Variants in TAMM41 observed in about 807,000 individuals in gnomAD.
TAMM41 encodes the protein TAM41 mitochondrial translocator assembly and maintenance homolog.
TAMM41 carries 36 observed loss-of-function variants against 44.1 expected under a neutral mutation model. The ratio of observed to expected loss-of-function variants is 0.82; its 90% CI spans 0.63 to 1.08. TAMM41 has a LOEUF of 1.08. Ranked by LOEUF, TAMM41 falls within the 50% of genes least tolerant of loss-of-function variation. TAMM41 has a pLI of 0.00. For synonymous variants in TAMM41, 164 were observed against 153.1 expected, an observed-to-expected ratio of 1.07 and a Z score of -0.53; for missense variants, 417 against 404.3, an observed-to-expected ratio of 1.03 and a Z score of -0.27.
chr3:11,832,259 A>T (rs1244847663), intron 3 of TAMM41, among the ~76,000 whole-genome samples: 1 of 146,608 alleles, frequency 6.8e-6, no homozygotes, highest in East Asian at 2.1e-4. Context: ...TCAACCAATC[A>T]CAGATGGGAA....
chr3:11,728,297 A>G, the TAMM41 span, among the ~76,000 whole-genome samples: 2 of 152,220 alleles, frequency 1.3e-5, no homozygotes, highest in African/African-American at 2.4e-5. Context: ...CTGAATTTCC[A>G]GCAGTGAACA....
the TAMM41 span, among the ~76,000 whole-genome samples, chr3:11,781,612 G>A: frequency 6.6e-6 from 1 of 151,922 alleles, no homozygotes; most frequent in African/African-American, 2.4e-5. Context: ...GTGCACATCT[G>A]GAATCCCAGC....
chr3:11,726,115 A>G, the TAMM41 span, among the ~76,000 whole-genome samples: 80,101 of 152,026 alleles, frequency 0.53, 22,185 homozygotes, highest in African/African-American at 0.69. Flanking sequence ...ACATATAGAC[A>G]TCTACTGTTC....
chr3:11,837,075 G>A (rs1402563694), intron 3 of TAMM41, among the ~76,000 whole-genome samples: 1 of 152,172 alleles, frequency 6.6e-6, no homozygotes, highest in Non-Finnish European at 1.5e-5. Context: ...ACATTTTAAG[G>A]AGCTACACTA....
At chr3:11,722,274 G>C in the TAMM41 span, among the ~76,000 whole-genome samples, 1 of 152,120 alleles carries the variant, frequency 6.6e-6, no homozygotes, top group East Asian at 1.9e-4. Context: ...CCTTACATCA[G>C]CATTAGCGTG....
rs571871532 is a variant in TAMM41 at position 11,825,823 on chromosome 3, G to A, written c.562+3891C>T. On this transcript the variant is annotated intron_variant, in intron 4 of 7. Coordinates refer to ENST00000455809, the MANE Select transcript of TAMM41 (RefSeq NM_001284401.2). Reference sequence around the variant, plus strand: ...TTTTTAATTTAAGAAACAGGGTCTGGCTCTGTTGCCCAGGCTGGAGTGCAG... The same window carrying A: ...TTTTTAATTTAAGAAACAGGGTCTGACTCTGTTGCCCAGGCTGGAGTGCAG... Among the ~76,000 whole-genome samples the A allele has an allele frequency of 2.0e-5, 3 of 151,892 alleles. No individual in the cohort carries two copies. In the East Asian group the frequency reaches 5.8e-4, roughly 29 times the overall value.
intron 7 of TAMM41, 43 bp downstream of exon 7, chr3:11,807,786 CCACT>C (rs1575627778): frequency 6.5e-7 from 1 of 1,536,074 alleles, no homozygotes; most frequent in Non-Finnish European, 8.7e-7. Context: ...AGTGTGGAAG[CCACT>C]CAGTCAGCAG....
At position 11,816,390 on chromosome 3, in the gene TAMM41, C is replaced by T. The variant is rs183667672; in HGVS notation, c.708+802G>A. ...GAAGAGAATTTTGAATATGTATGAG[C>T]CCATTAATGTATAACAAAACCAAAC... On this transcript the variant is annotated intron_variant, in intron 5 of 7. Coordinates refer to ENST00000455809, the MANE Select transcript of TAMM41 (RefSeq NM_001284401.2). Among the ~76,000 whole-genome samples the T allele has an allele frequency of 3.3e-3, 499 of 152,184 alleles. 4 individuals are homozygous for T. The highest frequency in any genetic ancestry group is 0.011 in the African/African-American group (471 of 41,520).
chr3:11,783,973 G>C, the TAMM41 span, among the ~76,000 whole-genome samples: 2 of 152,160 alleles, frequency 1.3e-5, no homozygotes, highest in African/African-American at 2.4e-5. Flanking sequence ...CAAATAGTAA[G>C]CACTATCAAA....
the TAMM41 span, among the ~76,000 whole-genome samples, chr3:11,783,378 G>T: frequency 2.1e-4 from 32 of 151,452 alleles, no homozygotes; most frequent in Non-Finnish European, 3.5e-4. Context: ...GAGCTGACCT[G>T]GGGGGTATGA....
At chr3:11,754,951 C>T in the TAMM41 span, among the ~76,000 whole-genome samples, 13 of 151,992 alleles carry the variant, frequency 8.6e-5, no homozygotes, top group Non-Finnish European at 1.6e-4. Context: ...CCACCTGCCT[C>T]GGCCTCCCAA....
At chr3:11,813,828 A>ATATG (rs1553573030) in intron 5 of TAMM41, among the ~76,000 whole-genome samples, 1 of 143,076 alleles carries the variant, frequency 7.0e-6, no homozygotes, top group African/African-American at 2.7e-5. Flanking sequence ...GTACAAATAT[A>ATATG]TGTGTGTGTG....
the TAMM41 span, among the ~76,000 whole-genome samples, chr3:11,773,069 G>A: frequency 1.3e-5 from 2 of 152,002 alleles, no homozygotes; most frequent in Admixed American, 1.3e-4. Context: ...CAATTCTCCT[G>A]CCTCATCCTC....
the TAMM41 span, among the ~76,000 whole-genome samples, chr3:11,722,383 T>G: frequency 6.6e-6 from 1 of 150,756 alleles, no homozygotes; most frequent in Non-Finnish European, 1.5e-5. Context: ...AAAAGGGGGG[T>G]TGTTGTAAAG....
intron 4 of TAMM41, among the ~76,000 whole-genome samples, chr3:11,819,126 T>G (rs968126404): frequency 3.3e-5 from 5 of 152,196 alleles, no homozygotes; most frequent in African/African-American, 7.2e-5. Context: ...TTTCACATAT[T>G]GCTGTTGACT....
chr3:11,747,669 T>C, the TAMM41 span, among the ~76,000 whole-genome samples: 1 of 151,410 alleles, frequency 6.6e-6, no homozygotes, highest in Non-Finnish European at 1.5e-5. Context: ...CTCAGGAGGC[T>C]GTGGGAGGAC....
chr3:11,742,000 A>C, the TAMM41 span, among the ~76,000 whole-genome samples: 1 of 150,164 alleles, frequency 6.7e-6, no homozygotes, highest in Non-Finnish European at 1.5e-5. Context: ...TCAGAACAGC[A>C]ATCGGTTTAA....
chr3:11,763,043 AAAAT>A, the TAMM41 span, among the ~76,000 whole-genome samples: 1 of 152,234 alleles, frequency 6.6e-6, no homozygotes, highest in African/African-American at 2.4e-5. Context: ...TGTCTCAAAA[AAAAT>A]AAATAAATAA....
the TAMM41 span, among the ~76,000 whole-genome samples, chr3:11,762,394 G>A: frequency 6.6e-6 from 1 of 151,656 alleles, no homozygotes; most frequent in Non-Finnish European, 1.5e-5. Flanking sequence ...TGGGTCAAGT[G>A]GCAGAGCCAG....
Sources: allele counts gnomAD v4.1 joint callset (sites outside exome capture counted in the v4.1 genomes callset), GRCh38; gene constraint gnomAD v4.1.1; transcripts MANE v1.5; gene names NCBI Gene and HGNC (gene_info 2026-07-23, HGNC 2026-07-21).